Variants in PARD3B observed in about 807,000 individuals in gnomAD.
PARD3B encodes par-3 family cell polarity regulator beta.
In PARD3B, 103 loss-of-function variants were observed where a neutral mutation model predicts 130.2. The observed-to-expected ratio is 0.79, with a 90% CI of 0.67 to 0.93. PARD3B has a LOEUF of 0.93. PARD3B is among the 40% of genes least tolerant of loss of function. PARD3B has a pLI of 0.00. For missense variants in PARD3B, 1,609 were observed against 1,499.2 expected, an observed-to-expected ratio of 1.07 and a Z score of -1.21; for synonymous variants, 583 against 553.2, an observed-to-expected ratio of 1.05 and a Z score of -0.76.
intron 3 of PARD3B, among the ~76,000 whole-genome samples, chr2:205,036,093 CA>C (rs1433096645): frequency 6.9e-6 from 1 of 145,664 alleles, no homozygotes; most frequent in Non-Finnish European, 1.5e-5. Flanking sequence ...TTCCAACACC[CA>C]CTGTGCATGT....
chr2:205,328,111 A>AT (rs2042996244), intron 18 of PARD3B, among the ~76,000 whole-genome samples: 4 of 152,324 alleles, frequency 2.6e-5, no homozygotes, highest in Admixed American at 2.6e-4. Flanking sequence ...CAAATTAGAC[A>AT]TTTTAAAGAA....
At chr2:204,699,283 G>A (rs1431502774) in intron 2 of PARD3B, among the ~76,000 whole-genome samples, 3 of 152,066 alleles carry the variant, frequency 2.0e-5, no homozygotes, top group Non-Finnish European at 2.9e-5. Context: ...AAGTGGGGTT[G>A]CTTACGCTTG....
Position 205,038,404 on chromosome 2 carries a change from C to T in PARD3B, c.395-9177C>T, listed in dbSNP as rs565463952. On this transcript the variant is annotated intron_variant, in intron 3 of 22. Transcript: ENST00000406610. ...CCTCCTCTGTCGCTTTATCCTTAAC[C>T]CTTGAGACCTAGTGCATATCTGAGA... Among the ~76,000 whole-genome samples, 27 of 152,156 alleles carry T rather than the reference C, an allele frequency of 1.8e-4. 2 individuals are homozygous for T. The South Asian group carries it at 2.7e-3, about 15-fold the overall frequency.
intron 3 of PARD3B, among the ~76,000 whole-genome samples, chr2:204,978,962 C>T (rs1181989756): frequency 2.7e-5 from 3 of 112,864 alleles, no homozygotes; most frequent in African/African-American, 6.0e-5. Flanking sequence ...GAGACCCTGG[C>T]CTCAAAAAAA....
At chr2:205,524,947 G>C (rs748542033) in intron 21 of PARD3B, among the ~76,000 whole-genome samples, 15 of 152,194 alleles carry the variant, frequency 9.9e-5, no homozygotes, top group Non-Finnish European at 1.9e-4. Flanking sequence ...GAATCTGGGA[G>C]ATCAGTAGTA....
intron 21 of PARD3B, among the ~76,000 whole-genome samples, chr2:205,528,843 G>C (rs572029810): frequency 3.6e-5 from 4 of 111,892 alleles, no homozygotes; most frequent in Non-Finnish European, 7.6e-5. Flanking sequence ...CCAGCAAATA[G>C]GTCATTGCTA....
chr2:205,484,055 G>A (rs892604975), intron 20 of PARD3B, among the ~76,000 whole-genome samples: 5 of 152,080 alleles, frequency 3.3e-5, no homozygotes, highest in Admixed American at 1.3e-4. Flanking sequence ...TGCTACAAAT[G>A]GGGGGAAAAA....
chr2:205,050,714 CT>C (rs543498428), intron 4 of PARD3B, among the ~76,000 whole-genome samples: 2,897 of 143,466 alleles, frequency 0.02, 42 homozygotes, highest in Non-Finnish European at 0.03. Context: ...CCTGTTTTTA[CT>C]TTTTTTTTTT....
At chr2:205,532,136 A>T (rs1047600062) in intron 21 of PARD3B, among the ~76,000 whole-genome samples, 5 of 152,222 alleles carry the variant, frequency 3.3e-5, no homozygotes, top group African/African-American at 9.6e-5. Context: ...AACATGGATA[A>T]TTTATACAAA....
chr2:204,639,959 T>C (rs1479433825), intron 1 of PARD3B, among the ~76,000 whole-genome samples: 1 of 152,098 alleles, frequency 6.6e-6, no homozygotes, highest in African/African-American at 2.4e-5. Context: ...CTTGCCCTTA[T>C]AAATATACTC....
chr2:205,284,145 A>G (rs2041296688), intron 16 of PARD3B, among the ~76,000 whole-genome samples: 1 of 152,236 alleles, frequency 6.6e-6, no homozygotes. Context: ...AAAGCGAACA[A>G]AGGGGAAAAA....
chr2:205,535,804 T>A (rs927446403), intron 21 of PARD3B, among the ~76,000 whole-genome samples: 4 of 152,326 alleles, frequency 2.6e-5, no homozygotes, highest in Admixed American at 2.6e-4. Context: ...TGAGAATCCC[T>A]GATTTCAATA....
At chr2:204,879,022 A>G (rs1408985128) in intron 2 of PARD3B, among the ~76,000 whole-genome samples, 3 of 152,142 alleles carry the variant, frequency 2.0e-5, no homozygotes, top group Admixed American at 6.5e-5. Context: ...GCTATTTGGA[A>G]TGTGGAAAGA....
chr2:205,613,025 T>C (rs1033506236), intron 22 of PARD3B, among the ~76,000 whole-genome samples: 1 of 152,078 alleles, frequency 6.6e-6, no homozygotes, highest in East Asian at 1.9e-4. Context: ...TCTCCAAAAA[T>C]TTAAAAAAAC....
chr2:205,513,667 A>T (rs571965416), intron 21 of PARD3B, among the ~76,000 whole-genome samples: 1 of 152,196 alleles, frequency 6.6e-6, no homozygotes, highest in East Asian at 1.9e-4. Context: ...TTCCTTAGTC[A>T]TGCATTCATT....
intron 2 of PARD3B, among the ~76,000 whole-genome samples, chr2:204,873,885 G>A (rs1043942189): frequency 6.6e-6 from 1 of 152,192 alleles, no homozygotes; most frequent in Non-Finnish European, 1.5e-5. Flanking sequence ...GCTCACACCT[G>A]TAATCCCAGC....
chr2:205,184,378 G>T (rs1335327889), intron 13 of PARD3B, among the ~76,000 whole-genome samples: 1 of 152,152 alleles, frequency 6.6e-6, no homozygotes, highest in African/African-American at 2.4e-5. Context: ...GATACAAGTA[G>T]AACTTACAAT....
In PARD3B at chr2:205,154,935, C is replaced by T. The variant is rs534912095; in HGVS notation, c.1435-3787C>T. On this transcript the variant is annotated intron_variant, in intron 10 of 22. Transcript: ENST00000406610. ...GGGAGGGATAGCATTAGGAGAAATA[C>T]CTAATGTAAATGACAAATTAATGGG... 1.8e-4 allele frequency among the ~76,000 whole-genome samples: 28 copies of T among 152,104 alleles called. 1 individual carries two copies. The highest frequency in any genetic ancestry group is 1.5e-3 in the East Asian group (8 of 5,166).
chr2:205,322,693 C>T (rs190541155), intron 18 of PARD3B, among the ~76,000 whole-genome samples: 12 of 152,014 alleles, frequency 7.9e-5, no homozygotes, highest in African/African-American at 1.4e-4. Flanking sequence ...TCTACAGAAT[C>T]CTTTTCTTCC....
Sources: gnomAD v4.1 joint callset for allele counts (sites outside exome capture counted in the v4.1 genomes callset) on GRCh38, gnomAD v4.1.1 for gene constraint, MANE v1.5 for transcripts, NCBI Gene and HGNC (gene_info 2026-07-23, HGNC 2026-07-21) for gene names.